The following PRUNE2 variants were observed in gnomAD, a reference collection of about 807,000 sequenced individuals.
The protein encoded by PRUNE2 is protein prune homolog 2.
A neutral mutation model predicts 252.0 loss-of-function variants in PRUNE2; 164 were observed. The observed-to-expected ratio is 0.65, with a 90% CI of 0.57 to 0.74. The LOEUF is 0.74. Ranked by LOEUF, PRUNE2 falls within the 30% of genes least tolerant of loss-of-function variation. The probability of loss-of-function intolerance (pLI) is 0.00; values close to 1 mark genes in which losing one functional copy is unlikely to be tolerated. For synonymous variants in PRUNE2, 1,292 were observed against 1,350.2 expected, an observed-to-expected ratio of 0.96 and a Z score of 0.94; for missense variants, 3,495 against 3,711.0, an observed-to-expected ratio of 0.94 and a Z score of 1.51.
Position 76,619,365 on chromosome 9 carries a change from G to T in PRUNE2, c.9211C>A (p.Pro3071Thr), listed in dbSNP as rs1222189737. The T allele has an allele frequency of 1.9e-6, 3 of 1,606,586 alleles. No homozygotes were observed. The highest frequency in any genetic ancestry group is 3.4e-5 in the Admixed American group (2 of 59,454). ...TCCTTCTCCATAGAAGACATTTCTG[G>T]ATCATTGTAAAGGCAGCTAGTTCTG... ...AAKTSCLYND[P>T]EMSSMEKDID... Residue 3071 changes from proline (P) to threonine (T), a missense_variant, in exon 18 of 19, where the codon CCA becomes ACA. By Grantham distance (38) the Pro-to-Thr change is conservative. Transcript: ENST00000376718.
At chr9:76,794,675 A>G (rs898421529) in intron 6 of PRUNE2, among the ~76,000 whole-genome samples, 14 of 151,896 alleles carry the variant, frequency 9.2e-5, no homozygotes, top group Non-Finnish European at 4.4e-5. Context: ...AGCACCTGGA[A>G]GGGGAATCCC....
chr9:76,671,421 G>A (rs1290710903), intron 9 of PRUNE2, among the ~76,000 whole-genome samples: 2 of 150,736 alleles, frequency 1.3e-5, no homozygotes, highest in Admixed American at 6.6e-5. Flanking sequence ...CCAAATCTAC[G>A]TCTGATTGGT....
intron 6 of PRUNE2, among the ~76,000 whole-genome samples, chr9:76,716,286 T>C (rs13440440): frequency 0.037 from 5,660 of 152,286 alleles, 207 homozygotes; most frequent in African/African-American, 0.091. Context: ...TCCAAAAGCA[T>C]TGGCAACACC....
chr9:76,830,968 T>C (rs925800683), intron 4 of PRUNE2, among the ~76,000 whole-genome samples: 7 of 151,470 alleles, frequency 4.6e-5, no homozygotes, highest in Admixed American at 6.6e-5. Flanking sequence ...CCTGCTCTGT[T>C]GCCCAGGCTG....
At chr9:76,828,552 G>A (rs901397715) in intron 4 of PRUNE2, among the ~76,000 whole-genome samples, 2 of 152,134 alleles carry the variant, frequency 1.3e-5, no homozygotes, top group African/African-American at 4.8e-5. Flanking sequence ...AAGGAATATG[G>A]GGAGAATCAG....
chr9:76,768,619 GTGTGTA>G lies in PRUNE2; in HGVS notation c.757-54904_757-54899del, dbSNP rs1482438480. ...TGTGTGTGTGTGTGTGTGTGTGTGTGTGTGTATATCCCTGCTGACTAGATCATCAAC... is the reference window on the plus strand; with the variant it reads ...TGTGTGTGTGTGTGTGTGTGTGTGTGTATCCCTGCTGACTAGATCATCAAC... On this transcript the variant is annotated intron_variant, in intron 6 of 18. Transcript: ENST00000376718. Among the ~76,000 whole-genome samples, 404 of 147,144 alleles carry G rather than the reference GTGTGTA, an allele frequency of 2.7e-3. 1 individual carries two copies. Among genetic ancestry groups the G allele is most frequent in the Non-Finnish European group, 3.2e-3 (210 of 66,502 alleles).
intron 6 of PRUNE2, among the ~76,000 whole-genome samples, chr9:76,815,137 C>A (rs1339857009): frequency 6.6e-6 from 1 of 152,146 alleles, no homozygotes; most frequent in African/African-American, 2.4e-5. Flanking sequence ...TCATATACCC[C>A]CGCCCCAATC....
chr9:76,645,529 A>G (rs763966112), intron 11 of PRUNE2, among the ~76,000 whole-genome samples: 28 of 152,172 alleles, frequency 1.8e-4, no homozygotes, highest in Non-Finnish European at 2.9e-4. Context: ...ACAACTTTGT[A>G]GACCAGAAAT....
intron 9 of PRUNE2, among the ~76,000 whole-genome samples, chr9:76,658,222 G>C (rs1849978654): frequency 6.6e-6 from 1 of 152,210 alleles, no homozygotes; most frequent in African/African-American, 2.4e-5. Context: ...GCTGGGTGTG[G>C]TGGCGCATGC....
chr9:76,709,808 GC>G lies in PRUNE2; in HGVS notation c.2465del (p.Ser822ThrfsTer35). On this transcript the variant is annotated frameshift_variant, in exon 8 of 19. Coordinates refer to ENST00000376718, the MANE Select transcript of PRUNE2 (RefSeq NM_015225.3). LOFTEE classifies it high-confidence loss of function. ...GGTCCCTAACAGAAGGTGTCTTGCT[GC>G]TTGTTGGGTGCAAATTCCAGGTATT... ...LKNTWNLHPTSSKTPSVRDPN... is the reference protein window; with the variant it reads ...LKNTWNLHPTXSKTPSVRDPN... 6.2e-7 allele frequency: 1 copy of G among 1,613,918 alleles called. No homozygotes were observed. Among genetic ancestry groups the G allele is most frequent in the Non-Finnish European group, 8.5e-7 (1 of 1,179,844 alleles).
intron 9 of PRUNE2, among the ~76,000 whole-genome samples, chr9:76,659,232 G>A (rs1850365501): frequency 6.6e-6 from 1 of 152,212 alleles, no homozygotes; most frequent in South Asian, 2.1e-4. Context: ...TTACTATATA[G>A]CTGGCCTTTA....
At chr9:76,894,294 G>C (rs950750313) in intron 1 of PRUNE2, among the ~76,000 whole-genome samples, 19 of 152,190 alleles carry the variant, frequency 1.2e-4, no homozygotes, top group Admixed American at 2.6e-4. Flanking sequence ...ATACCCCATA[G>C]TTTGACCAGG....
intron 12 of PRUNE2, among the ~76,000 whole-genome samples, chr9:76,639,442 G>C (rs140613717): frequency 9.1e-4 from 138 of 152,332 alleles, no homozygotes; most frequent in African/African-American, 3.3e-3. Flanking sequence ...AGTGAGCCAA[G>C]ATCGTGCCAC....
intron 6 of PRUNE2, among the ~76,000 whole-genome samples, chr9:76,760,308 C>T (rs557359062): frequency 6.6e-6 from 1 of 152,280 alleles, no homozygotes; most frequent in African/African-American, 2.4e-5. Context: ...TTCCCTGGTA[C>T]CCTTTTGTCC....
chr9:76,874,827 C>CATGAG (rs1262013183), intron 1 of PRUNE2, among the ~76,000 whole-genome samples: 5 of 152,280 alleles, frequency 3.3e-5, no homozygotes, highest in Admixed American at 6.5e-5. Flanking sequence ...TATTAATTAT[C>CATGAG]ATGAGATGAG....
intron 5 of PRUNE2, among the ~76,000 whole-genome samples, chr9:76,826,278 A>G (rs563380914): frequency 6.6e-6 from 1 of 152,318 alleles, no homozygotes; most frequent in Admixed American, 6.5e-5. Flanking sequence ...GTTCGAGACC[A>G]GCCTGGCCAA....
intron 6 of PRUNE2, among the ~76,000 whole-genome samples, chr9:76,752,545 A>G (rs2050732482): frequency 6.6e-6 from 1 of 151,948 alleles, no homozygotes; most frequent in Admixed American, 6.5e-5. Context: ...TTTTCCTTAT[A>G]TGGAAGTAAA....
chr9:76,669,506 G>C lies in PRUNE2; in HGVS notation c.8277-14004C>G, dbSNP rs377210066. ...AGCTAATTTTTGTATTTTTAGTAGA[G>C]ACAAGTTTTCACCATGTTGCCCAGG... On this transcript the variant is annotated intron_variant, in intron 9 of 18. Transcript: ENST00000376718. Among the ~76,000 whole-genome samples the C allele has an allele frequency of 7.9e-5, 12 of 152,216 alleles. No individual in the cohort carries two copies. In the South Asian group the frequency reaches 2.5e-3, roughly 32 times the overall value.
At chr9:76,739,520 A>G (rs2135536930) in intron 6 of PRUNE2, 1 of 152,182 alleles carries the variant, frequency 6.6e-6, no homozygotes, top group East Asian at 1.9e-4. Flanking sequence ...GGAACCAGGG[A>G]TATAGTTTGT....
Sources: allele counts gnomAD v4.1 joint callset (sites outside exome capture counted in the v4.1 genomes callset), GRCh38; gene constraint gnomAD v4.1.1; transcripts MANE v1.5; gene names NCBI Gene and HGNC (gene_info 2026-07-23, HGNC 2026-07-21).